Variants in PDE4D observed in about 807,000 individuals in gnomAD.
PDE4D encodes phosphodiesterase 4D, also known as 3',5'-cyclic-AMP phosphodiesterase 4D.
A neutral mutation model predicts 87.4 loss-of-function variants in PDE4D; 24 were observed. The ratio of observed to expected loss-of-function variants is 0.27; its 90% CI spans 0.20 to 0.39. PDE4D has a LOEUF of 0.39. Ranked by LOEUF, PDE4D falls within the 10% of genes least tolerant of loss-of-function variation. The pLI is 1.00. For missense variants in PDE4D, 714 were observed against 1,041.0 expected (o/e 0.69, Z 4.32); for synonymous variants, 384 against 383.2 (o/e 1.00, Z -0.02).
At chr5:59,771,132 A>AAAATAAATAAATAAATAAATAAAT (rs201697322) in intron 1 of PDE4D, among the ~76,000 whole-genome samples, 42 of 143,238 alleles carry the variant, frequency 2.9e-4, no homozygotes, top group African/African-American at 1.0e-3. Flanking sequence ...ACCCAGCCTC[A>AAAATAAATAAATAAATAAATAAAT]AAATAAATAA....
intron 1 of PDE4D, among the ~76,000 whole-genome samples, chr5:59,632,118 A>G (rs1003027172): frequency 3.9e-5 from 6 of 152,170 alleles, no homozygotes; most frequent in Non-Finnish European, 7.4e-5. Context: ...GTGTAAACAA[A>G]GCTGCCAGGA....
chr5:59,673,961 T>C (rs548461807), intron 1 of PDE4D, among the ~76,000 whole-genome samples: 1 of 152,188 alleles, frequency 6.6e-6, no homozygotes, highest in Non-Finnish European at 1.5e-5. Flanking sequence ...TTTTGGTTCA[T>C]TAAAAGTTAA....
intron 1 of PDE4D, among the ~76,000 whole-genome samples, chr5:59,276,962 G>A (rs895233695): frequency 6.6e-6 from 1 of 152,064 alleles, no homozygotes; most frequent in Non-Finnish European, 1.5e-5. Context: ...CTACACAGAG[G>A]ATATATACTC....
intron 5 of PDE4D, among the ~76,000 whole-genome samples, chr5:59,062,187 G>C (rs1169503738): frequency 3.3e-5 from 5 of 152,128 alleles, no homozygotes; most frequent in Non-Finnish European, 7.4e-5. Context: ...ATGAATGCTA[G>C]CTAGCTATAA....
At chr5:59,368,831 C>T (rs904186883) in intron 1 of PDE4D, among the ~76,000 whole-genome samples, 1 of 152,182 alleles carries the variant, frequency 6.6e-6, no homozygotes, top group African/African-American at 2.4e-5. Flanking sequence ...TCATTCATTG[C>T]TACTCACTTT....
At chr5:59,247,904 C>A (rs1161686358) in intron 1 of PDE4D, among the ~76,000 whole-genome samples, 1 of 151,628 alleles carries the variant, frequency 6.6e-6, no homozygotes, top group Non-Finnish European at 1.5e-5. Flanking sequence ...AGACTCCAGT[C>A]CACCTGGCCT....
chr5:60,103,870 C>T lies in PDE4D; in HGVS notation c.42+81687G>A, dbSNP rs916867334. ...AAAATTAAAAACCTGAAAAAAAAAT[C>T]GAGGAAGAGACAAGATGGACAAATA... On this transcript the variant is annotated intron_variant, in intron 2 of 16. Coordinates refer to the PDE4D transcript ENST00000502484. 7.9e-5 allele frequency among the ~76,000 whole-genome samples: 12 copies of T among 151,742 alleles called. 1 individual carries two copies. The highest frequency in any genetic ancestry group is 4.2e-4 in the South Asian group (2 of 4,818).
intron 1 of PDE4D, among the ~76,000 whole-genome samples, chr5:59,782,018 G>A (rs542868814): frequency 2.6e-5 from 4 of 152,198 alleles, no homozygotes; most frequent in African/African-American, 9.6e-5. Flanking sequence ...AAAACACTTA[G>A]GAAGGGATGA....
chr5:60,027,863 G>A (rs546177380), intron 2 of PDE4D, among the ~76,000 whole-genome samples: 1 of 152,292 alleles, frequency 6.6e-6, no homozygotes, highest in East Asian at 1.9e-4. Context: ...AAGAAATGTT[G>A]CATTTTGAAC....
chr5:59,773,969 G>T (rs1258314120), intron 1 of PDE4D, among the ~76,000 whole-genome samples: 2 of 152,100 alleles, frequency 1.3e-5, no homozygotes, highest in Non-Finnish European at 2.9e-5. Context: ...TGGGTTAAAA[G>T]GAGTGACCAA....
At chr5:59,920,314 C>A (rs1302430352) in intron 3 of PDE4D, among the ~76,000 whole-genome samples, 1 of 152,176 alleles carries the variant, frequency 6.6e-6, no homozygotes, top group Non-Finnish European at 1.5e-5. Context: ...TTTCCAAGCC[C>A]ATTCTCCAAA....
chr5:59,998,565 C>T (rs1031469499), intron 2 of PDE4D, among the ~76,000 whole-genome samples: 15 of 152,132 alleles, frequency 9.9e-5, no homozygotes, highest in African/African-American at 3.4e-4. Flanking sequence ...TTTTCCAAGA[C>T]TTATATAATC....
intron 1 of PDE4D, among the ~76,000 whole-genome samples, chr5:60,443,144 T>G (rs1745374723): frequency 6.6e-6 from 1 of 152,116 alleles, no homozygotes; most frequent in African/African-American, 2.4e-5. Context: ...TCAAGTGTTA[T>G]CAAGAGGTGA....
chr5:59,678,980 T>A (rs971046640), intron 1 of PDE4D, among the ~76,000 whole-genome samples: 1 of 152,226 alleles, frequency 6.6e-6, no homozygotes, highest in Non-Finnish European at 1.5e-5. Flanking sequence ...ACCCCTTTCC[T>A]AGACTGAGCA....
chr5:59,306,063 G>A (rs986647533), intron 1 of PDE4D, among the ~76,000 whole-genome samples: 2 of 152,016 alleles, frequency 1.3e-5, no homozygotes, highest in Admixed American at 1.3e-4. Flanking sequence ...TATAAATTTG[G>A]GGGCTCCATT....
intron 1 of PDE4D, among the ~76,000 whole-genome samples, chr5:59,253,425 C>T (rs900054190): frequency 2.6e-5 from 4 of 152,028 alleles, no homozygotes; most frequent in African/African-American, 4.8e-5. Context: ...TAATTGGATG[C>T]GGTACTTGTT....
At chr5:59,567,823 T>C (rs1245128543) in intron 1 of PDE4D, among the ~76,000 whole-genome samples, 1 of 152,182 alleles carries the variant, frequency 6.6e-6, no homozygotes, top group Non-Finnish European at 1.5e-5. Flanking sequence ...ATGACCCATG[T>C]GGTAATGAGT....
intron 1 of PDE4D, among the ~76,000 whole-genome samples, chr5:60,510,746 T>C (rs1750534434): frequency 1.3e-5 from 2 of 152,172 alleles, no homozygotes; most frequent in African/African-American, 2.4e-5. Flanking sequence ...TTTAGAAAGA[T>C]AATTTCTGGA....
chr5:59,257,648 T>C (rs72765952), intron 1 of PDE4D, among the ~76,000 whole-genome samples: 2 of 152,178 alleles, frequency 1.3e-5, no homozygotes, highest in African/African-American at 2.4e-5. Context: ...TATGCACTTA[T>C]GGCAAGAGAG....
Sources: allele counts gnomAD v4.1 joint callset (sites outside exome capture counted in the v4.1 genomes callset), GRCh38; gene constraint gnomAD v4.1.1; transcripts MANE v1.5; gene names NCBI Gene and HGNC (gene_info 2026-07-23, HGNC 2026-07-21).